Variants in XRN1 observed in about 807,000 individuals in gnomAD.
The protein encoded by XRN1 is strand-exchange protein 1 homolog.
A neutral mutation model predicts 222.3 loss-of-function variants in XRN1; 67 were observed. That is an observed-to-expected ratio of 0.30 (90% CI 0.25 to 0.37). The LOEUF is 0.37. Ranked by LOEUF, XRN1 falls within the 10% of genes least tolerant of loss-of-function variation. The pLI is 1.00. For synonymous variants in XRN1, 643 were observed against 652.4 expected (o/e 0.99, Z 0.22); for missense variants, 1,707 against 2,000.2 (o/e 0.85, Z 2.80).
Position 142,421,145 on chromosome 3 carries a change from C to T in XRN1, c.1044G>A (p.Arg348=). 6.2e-7 allele frequency: 1 copy of T among 1,610,194 alleles called. No homozygotes were observed. Among genetic ancestry groups the T allele is most frequent in the Non-Finnish European group, 8.5e-7 (1 of 1,178,604 alleles). ...CCACAAAAACTTCACTGAAGTGCTC[C>T]CGATCAAACTGTACAGAAATATTTA... The part of the protein sequence containing the change: ...KYLVKLSDFD[R]EHFSEVFVDL... Residue 348 remains arginine (R), a synonymous_variant, in exon 10 of 41, where the codon CGG becomes CGA. Coordinates refer to ENST00000392981, the MANE Select transcript of XRN1 (RefSeq NM_001282857.2).
At chr3:142,435,396 TC>T (rs1341463843) in intron 1 of XRN1, 1 of 128,716 alleles carries the variant, frequency 7.8e-6, no homozygotes, top group African/African-American at 3.0e-5. Context: ...AGACTCTGTA[TC>T]AAAAAAAAAA....
intron 36 of XRN1, among the ~76,000 whole-genome samples, chr3:142,330,492 A>T (rs192489262): frequency 1.9e-4 from 29 of 152,260 alleles, no homozygotes; most frequent in African/African-American, 6.5e-4. Context: ...AATATAGATT[A>T]AAAAAGCAGT....
At chr3:142,423,494 T>C in intron 6 of XRN1, 66 bp downstream of exon 6, 1 of 1,302,290 alleles carries the variant, frequency 7.7e-7, no homozygotes, top group South Asian at 1.5e-5. Flanking sequence ...TACAAACATG[T>C]ATCTGTTAAA....
At chr3:142,383,570 G>A (rs1301804577) in intron 21 of XRN1, among the ~76,000 whole-genome samples, 157 bp from the exon 22 acceptor site, 1 of 152,136 alleles carries the variant, frequency 6.6e-6, no homozygotes, top group Non-Finnish European at 1.5e-5. Context: ...TGGTTATATG[G>A]CAGGCACCCT....
chr3:142,350,670 G>A, intron 32 of XRN1, among the ~76,000 whole-genome samples: 1 of 152,058 alleles, frequency 6.6e-6, no homozygotes, highest in East Asian at 1.9e-4. Context: ...TTTGGAGTAG[G>A]GTAGTAGGAG....
At chr3:142,394,723 C>T (rs1263283524) in intron 20 of XRN1, among the ~76,000 whole-genome samples, 1 of 152,170 alleles carries the variant, frequency 6.6e-6, no homozygotes, top group Non-Finnish European at 1.5e-5. Flanking sequence ...CTCTCTGCTC[C>T]TTCTCATTGT....
At chr3:142,437,387 C>G (rs1252345504) in intron 1 of XRN1, among the ~76,000 whole-genome samples, 1 of 152,164 alleles carries the variant, frequency 6.6e-6, no homozygotes, top group African/African-American at 2.4e-5. Context: ...CCTCAGTTTC[C>G]CAACAGAACT....
chr3:142,413,023 T>C (rs2068646729), intron 14 of XRN1, among the ~76,000 whole-genome samples: 1 of 152,228 alleles, frequency 6.6e-6, no homozygotes, highest in African/African-American at 2.4e-5. Flanking sequence ...AGGCATCTAG[T>C]AGTTCTCTAT....
rs1004031209 is a variant in XRN1, at chr3:142,335,592, C to T, written c.3878-83G>A. ...CTACCAAATATTTATAATAGCAAGGCACTGTGTTAAAAATTCAGAGAATTT... is the reference window on the plus strand; with the variant it reads ...CTACCAAATATTTATAATAGCAAGGTACTGTGTTAAAAATTCAGAGAATTT... On this transcript the variant is annotated intron_variant, in intron 33 of 40. Transcript: ENST00000392981. 4.8e-6 allele frequency: 6 copies of T among 1,237,344 alleles called. No individual in the cohort carries two copies. In the Admixed American group the frequency reaches 1.2e-4, roughly 26 times the overall value. 76.6% of individuals were successfully genotyped at this position (1,237,344 alleles called of 1,614,324 possible). A position where few individuals can be genotyped will look rare whatever the true frequency, so the allele number is the denominator to read the frequency against.
chr3:142,351,620 T>C (rs2066309081), intron 32 of XRN1, among the ~76,000 whole-genome samples: 1 of 152,104 alleles, frequency 6.6e-6, no homozygotes, highest in Non-Finnish European at 1.5e-5. Context: ...TTTAATTAAC[T>C]CCCTCCCGCT....
Position 142,421,039 on chromosome 3 carries a change from A to G in XRN1, c.1150T>C (p.Tyr384His). 1 of 1,614,040 alleles carries G rather than the reference A, an allele frequency of 6.2e-7. No homozygotes were observed. Among genetic ancestry groups the G allele is most frequent in the Non-Finnish European group, 8.5e-7 (1 of 1,179,966 alleles). ...ACCTTTAACTTTTTCTTTTCCTTGT[A>G]GTTCCTGGCTTCTTCTGCTGCGACA... ...AGVAAEEARN[Y>H]KEKKKLKGQE... The change falls in exon 10 of 41, where the codon TAC becomes CAC. Residue 384 changes from tyrosine (Y) to histidine (H), a missense_variant. Coordinates refer to ENST00000392981, the MANE Select transcript of XRN1 (RefSeq NM_001282857.2).
chr3:142,425,190 CA>C, intron 5 of XRN1, 31 bp downstream of exon 5: 1 of 1,427,552 alleles, frequency 7.0e-7, no homozygotes, highest in Non-Finnish European at 9.4e-7. Flanking sequence ...ACTATCAATG[CA>C]TAAGTTTATA....
intron 32 of XRN1, among the ~76,000 whole-genome samples, chr3:142,349,474 C>T (rs966682595): frequency 9.9e-5 from 15 of 151,764 alleles, no homozygotes; most frequent in Non-Finnish European, 1.2e-4. Flanking sequence ...TATAGTAATG[C>T]TACTAACTAA....
intron 32 of XRN1, among the ~76,000 whole-genome samples, chr3:142,353,030 G>T (rs1183938618): frequency 1.3e-5 from 2 of 152,050 alleles, no homozygotes; most frequent in Non-Finnish European, 2.9e-5. Context: ...TCCTTTCTTT[G>T]TCTGAGTCTC....
chr3:142,329,444 C>A lies in XRN1; in HGVS notation c.4394G>T (p.Arg1465Met). ...GMPQPDFSFL[R>M]MPQTMTVCQV... ...AGTAGTATACTATACCTGTGGCATC[C>A]TAAGAAAGGAGAAATCAGGTTGTGG... Residue 1465 changes from arginine to methionine, a missense_variant, in exon 37 of 41, where the codon AGG becomes ATG. Arg to Met is a moderately conservative substitution (Grantham distance 91). Transcript: ENST00000392981. 6.4e-7 allele frequency: 1 copy of A among 1,571,894 alleles called. No homozygotes were observed. The highest frequency in any genetic ancestry group is 1.4e-5 in the African/African-American group (1 of 72,240).
At chr3:142,372,248 G>A (rs1559825981) in intron 25 of XRN1, among the ~76,000 whole-genome samples, 1 of 152,164 alleles carries the variant, frequency 6.6e-6, no homozygotes, top group African/African-American at 2.4e-5. Flanking sequence ...ATAAGGAGGA[G>A]AGGACAGGTG....
intron 3 of XRN1, chr3:142,426,448 T>A (rs914191462): frequency 7.6e-6 from 2 of 261,630 alleles, no homozygotes; most frequent in African/African-American, 4.5e-5. Flanking sequence ...ATGGCAGGAA[T>A]AGGACAGAAA....
At chr3:142,327,084 G>A (rs1285982673) in intron 37 of XRN1, among the ~76,000 whole-genome samples, 2 of 151,950 alleles carry the variant, frequency 1.3e-5, no homozygotes, top group Non-Finnish European at 2.9e-5. Context: ...CTCATTTTTT[G>A]TAGTGTCTTT....
At chr3:142,378,053 A>G (rs1412182573) in intron 23 of XRN1, among the ~76,000 whole-genome samples, 1 of 152,156 alleles carries the variant, frequency 6.6e-6, no homozygotes, top group African/African-American at 2.4e-5. Context: ...ATAAAGCTTT[A>G]TATTTTACTA....
Sources: allele counts gnomAD v4.1 joint callset (sites outside exome capture counted in the v4.1 genomes callset), GRCh38; gene constraint gnomAD v4.1.1; transcripts MANE v1.5; gene names NCBI Gene and HGNC (gene_info 2026-07-23, HGNC 2026-07-21).